APLF: variants seen among roughly 807,000 people sequenced by gnomAD.
The protein encoded by APLF is aprataxin and PNKP like factor.
A neutral mutation model predicts 55.6 loss-of-function variants in APLF; 61 were observed. That is an observed-to-expected ratio of 1.10 (90% CI 0.89 to 1.36). The LOEUF (loss-of-function observed/expected upper bound fraction) is 1.36, where lower values mean the gene tolerates loss of function less well. Ranked by LOEUF, APLF falls within the 40% of genes most tolerant of loss-of-function variation. APLF has a pLI of 0.00. For synonymous variants in APLF, 207 were observed against 214.8 expected (o/e 0.96, Z 0.32); for missense variants, 611 against 602.5 (o/e 1.01, Z -0.15).
chr2:68,519,368 T>A (rs867191193), intron 5 of APLF, among the ~76,000 whole-genome samples: 1 of 148,086 alleles, frequency 6.8e-6, no homozygotes, highest in South Asian at 2.1e-4. Flanking sequence ...AAGTGGTACA[T>A]CTACCAAGTG....
At chr2:68,481,251 A>T (rs1675943450) in intron 1 of APLF, among the ~76,000 whole-genome samples, 1 of 152,098 alleles carries the variant, frequency 6.6e-6, no homozygotes, top group African/African-American at 2.4e-5. Context: ...AATTCCTTTA[A>T]GTATTTCTTG....
chr2:68,490,119 G>C, intron 1 of APLF, 71 bp from the exon 2 acceptor site: 1 of 1,104,846 alleles, frequency 9.1e-7, no homozygotes, highest in Middle Eastern at 2.1e-4. Flanking sequence ...CAAGGGTTTC[G>C]TTTGCCTTTT....
chr2:68,502,214 GT>G (rs1393017594), intron 2 of APLF, among the ~76,000 whole-genome samples: 2 of 152,148 alleles, frequency 1.3e-5, no homozygotes, highest in African/African-American at 4.8e-5. Context: ...TAGGGTTGGA[GT>G]TTCCAACACA....
At chr2:68,484,927 A>C (rs960002060) in intron 1 of APLF, among the ~76,000 whole-genome samples, 3 of 152,104 alleles carry the variant, frequency 2.0e-5, no homozygotes, top group Non-Finnish European at 2.9e-5. Context: ...ACAGCAATTT[A>C]ATCAAATAAG....
chr2:68,503,552 A>G (rs920153698), intron 3 of APLF, among the ~76,000 whole-genome samples: 1 of 152,166 alleles, frequency 6.6e-6, no homozygotes, highest in Non-Finnish European at 1.5e-5. Flanking sequence ...AATCATTAAC[A>G]ATAAAATAGC....
chr2:68,561,346 C>G (rs1267370675), intron 8 of APLF, among the ~76,000 whole-genome samples: 1 of 152,112 alleles, frequency 6.6e-6, no homozygotes, highest in African/African-American at 2.4e-5. Flanking sequence ...GAATTAGGCT[C>G]AGCTCTCCTG....
intron 1 of APLF, among the ~76,000 whole-genome samples, chr2:68,486,980 G>A (rs1014415779): frequency 6.6e-6 from 1 of 152,070 alleles, no homozygotes; most frequent in Non-Finnish European, 1.5e-5. Flanking sequence ...GAGTCCCTGG[G>A]TTTCTTTGCT....
intron 7 of APLF, among the ~76,000 whole-genome samples, chr2:68,543,968 T>G (rs924199080): frequency 8.0e-5 from 12 of 150,606 alleles, no homozygotes; most frequent in African/African-American, 2.5e-4. Context: ...ATCTGTTAAG[T>G]CAATTGTATT....
chr2:68,509,249 C>T (rs954614904), intron 3 of APLF, among the ~76,000 whole-genome samples: 17 of 152,046 alleles, frequency 1.1e-4, no homozygotes, highest in Admixed American at 7.9e-4. Flanking sequence ...AGAGCTTCTG[C>T]ACAGCAAAAG....
At chr2:68,476,908 A>G (rs1675793776) in intron 1 of APLF, among the ~76,000 whole-genome samples, 2 of 152,190 alleles carry the variant, frequency 1.3e-5, no homozygotes, top group African/African-American at 4.8e-5. Flanking sequence ...ATGCAGATTC[A>G]ACAAGTATAT....
In APLF at chr2:68,529,378, C is replaced by G; in HGVS notation, c.804+3136C>G. 7.7e-7 allele frequency: 1 copy of G among 1,293,048 alleles called. No individual in the cohort carries two copies. Among genetic ancestry groups the G allele is most frequent in the East Asian group, 3.1e-5 (1 of 32,082 alleles). The allele number at this position is 1,293,048 out of a possible 1,614,324, so 80.1% of individuals were successfully genotyped here. On this transcript the variant is annotated intron_variant, in intron 6 of 9. Transcript: ENST00000303795. The surrounding 1 kb of genome is among the most constrained non-coding windows in gnomAD (Gnocchi z 4.4). ...GGTGAGCCCGGCCAGCTGGGAAGGC[C>G]TCACGGACAAGACGAGCAGGTTGCC...
chr2:68,578,976 C>T lies in APLF; in HGVS notation c.*954C>T, dbSNP rs1380312284. On this transcript the variant is annotated 3_prime_UTR_variant, in exon 10 of 10. Coordinates refer to ENST00000303795, the MANE Select transcript of APLF (RefSeq NM_173545.3). ...AAACTACTTTAAGCCCTATAATGCT[C>T]TTCATATTACGTGACTTTGAATTGT... The T allele has an allele frequency of 1.0e-5, 10 of 984,460 alleles. No individual in the cohort carries two copies. The highest frequency in any genetic ancestry group is 1.2e-5 in the Non-Finnish European group (10 of 829,256). 61.0% of individuals were successfully genotyped at this position (984,460 alleles called of 1,614,324 possible). A position where few individuals can be genotyped will look rare whatever the true frequency, so the allele number is the denominator to read the frequency against.
Position 68,578,641 on chromosome 2 carries a change from T to C in APLF, c.*619T>C. On this transcript the variant is annotated 3_prime_UTR_variant, in exon 10 of 10. Transcript: ENST00000303795. ...AATGTTCACCATGTAGGGAATGTTA[T>C]TTTGTGTTCCACATCTGCAATTTAC... The C allele has an allele frequency of 2.0e-6, 2 of 985,364 alleles. No individual in the cohort carries two copies. Among genetic ancestry groups the C allele is most frequent in the Non-Finnish European group, 2.4e-6 (2 of 829,876 alleles). The allele number at this position is 985,364 out of a possible 1,614,324, so 61.0% of individuals were successfully genotyped here. A position where few individuals can be genotyped will look rare whatever the true frequency, so the allele number is the denominator to read the frequency against.
intron 5 of APLF, among the ~76,000 whole-genome samples, chr2:68,517,422 T>C (rs1159047283): frequency 7.5e-6 from 1 of 132,484 alleles, no homozygotes; most frequent in East Asian, 2.2e-4. Flanking sequence ...TATATTACTA[T>C]ATATTAATAT....
chr2:68,489,763 C>T (rs982109311), intron 1 of APLF, among the ~76,000 whole-genome samples: 5 of 152,174 alleles, frequency 3.3e-5, no homozygotes, highest in Admixed American at 2.0e-4. Context: ...ACCAGATCCT[C>T]GAGCATGGGA....
chr2:68,514,508 G>A (rs114780011), intron 5 of APLF, among the ~76,000 whole-genome samples: 1,854 of 151,918 alleles, frequency 0.012, 46 homozygotes, highest in African/African-American at 0.043. Flanking sequence ...CAGCTGCAGT[G>A]TCTAGGTAGT....
chr2:68,493,791 CTGTCTCTACTTA>C (rs1345565269), intron 2 of APLF, among the ~76,000 whole-genome samples: 2 of 152,150 alleles, frequency 1.3e-5, no homozygotes, highest in Non-Finnish European at 2.9e-5. Context: ...TGGTGAAACC[CTGTCTCTACTTA>C]AAATACAAAA....
intron 5 of APLF, among the ~76,000 whole-genome samples, chr2:68,517,645 A>T (rs1669660677): frequency 6.9e-6 from 1 of 144,834 alleles, no homozygotes; most frequent in South Asian, 2.2e-4. Context: ...TATATCACTA[A>T]TATATGTTAT....
chr2:68,577,550 G>T (rs1272221390), intron 9 of APLF, among the ~76,000 whole-genome samples: 1 of 152,198 alleles, frequency 6.6e-6, no homozygotes, highest in African/African-American at 2.4e-5. Flanking sequence ...CACATGGGAA[G>T]ATGGGATGTT....
Sources: allele counts gnomAD v4.1 joint callset (sites outside exome capture counted in the v4.1 genomes callset), GRCh38; gene constraint gnomAD v4.1.1; non-coding constraint Gnocchi (gnomAD v3.1); transcripts MANE v1.5; gene names NCBI Gene and HGNC (gene_info 2026-07-23, HGNC 2026-07-21).